Variants in DCBLD1 observed in about 807,000 individuals in gnomAD.
DCBLD1 encodes the protein discoidin, CUB and LCCL domain containing 1, also known as discoidin, CUB and LCCL domain-containing protein 1.
A neutral mutation model predicts 71.5 loss-of-function variants in DCBLD1; 57 were observed. The ratio of observed to expected loss-of-function variants is 0.80; its 90% CI spans 0.64 to 0.99. DCBLD1 has a LOEUF of 0.99. Among genes scored for constraint, DCBLD1 ranks in the 50% least tolerant of loss-of-function variants. DCBLD1 has a pLI of 0.00. For synonymous variants in DCBLD1, 380 were observed against 363.8 expected, an observed-to-expected ratio of 1.04 and a Z score of -0.51; for missense variants, 891 against 923.5, an observed-to-expected ratio of 0.96 and a Z score of 0.46.
chr6:117,559,736 C>A (rs1395969716), intron 14 of DCBLD1, among the ~76,000 whole-genome samples: 2 of 151,932 alleles, frequency 1.3e-5, no homozygotes, highest in South Asian at 4.2e-4. Flanking sequence ...TATAAAACCA[C>A]CTAAAATAAA....
intron 2 of DCBLD1, among the ~76,000 whole-genome samples, chr6:117,508,327 C>T (rs1777905862): frequency 6.6e-6 from 1 of 152,042 alleles, no homozygotes; most frequent in Non-Finnish European, 1.5e-5. Flanking sequence ...TCTCAGTTCC[C>T]CCCTCCCTCA....
intron 4 of DCBLD1, among the ~76,000 whole-genome samples, chr6:117,524,904 G>A (rs750895930): frequency 6.6e-6 from 1 of 152,138 alleles, no homozygotes; most frequent in African/African-American, 2.4e-5. Context: ...ATTACAGTAT[G>A]TATAACACGG....
chr6:117,532,736 A>G (rs191810028), intron 6 of DCBLD1, among the ~76,000 whole-genome samples: 187 of 152,322 alleles, frequency 1.2e-3, no homozygotes, highest in African/African-American at 4.2e-3. Context: ...GTTGTCTCCA[A>G]TGTTATCATC....
At position 117,548,215 on chromosome 6, in the gene DCBLD1, G is replaced by A. The variant is rs1021792486; in HGVS notation, c.1924G>A (p.Val642Ile). 7.7e-6 allele frequency: 12 copies of A among 1,550,412 alleles called. No homozygotes were observed. The African/African-American group carries it at 9.6e-5, about 12-fold the overall frequency. ...CCTCTCCTCGGGCGGCTTCTCCCCC[G>A]TAGCGGGTGTGGGCGCCCAGGACGG... ...HSLSSGGFSP[V>I]AGVGAQDGDY... The change falls in exon 15 of 15, where the codon GTA becomes ATA. Residue 642 changes from valine (V) to isoleucine (I), a missense_variant. Transcript: ENST00000338728.
chr6:117,503,229 A>G (rs1777722847), intron 1 of DCBLD1, among the ~76,000 whole-genome samples: 1 of 152,210 alleles, frequency 6.6e-6, no homozygotes, highest in South Asian at 2.1e-4. Flanking sequence ...TGTGAGTGTC[A>G]TTAACTAAGA....
At chr6:117,497,959 C>G (rs889631531) in intron 1 of DCBLD1, among the ~76,000 whole-genome samples, 2 of 152,120 alleles carry the variant, frequency 1.3e-5, no homozygotes, top group Non-Finnish European at 2.9e-5. Flanking sequence ...TATTACACAT[C>G]TATGTGTGTA....
At chr6:117,544,713 A>G in intron 13 of DCBLD1, 136 bp downstream of exon 13, 1 of 803,582 alleles carries the variant, frequency 1.2e-6, no homozygotes, top group Non-Finnish European at 1.9e-6. Context: ...TTAAAGTAGC[A>G]TATCTATAAG....
At position 117,547,966 on chromosome 6, in the gene DCBLD1, C is replaced by T; in HGVS notation, c.1675C>T (p.Arg559Trp). 6.4e-7 allele frequency: 1 copy of T among 1,550,618 alleles called. No individual in the cohort carries two copies. The highest frequency in any genetic ancestry group is 1.2e-5 in the South Asian group (1 of 84,066). Residue 559 changes from arginine to tryptophan, a missense_variant, in exon 15 of 15, where the codon CGG becomes TGG. By Grantham distance (101) the Arg-to-Trp change is moderately radical. Transcript: ENST00000338728. Reference protein sequence around the residue: ...GTVTRKGSTFRPMDTDAEEAG... With the variant: ...GTVTRKGSTFWPMDTDAEEAG... ...AGTCACGAGGAAGGGCTCCACCTTCCGGCCCATGGACACGGATGCCGAGGA... is the reference window on the plus strand; with the variant it reads ...AGTCACGAGGAAGGGCTCCACCTTCTGGCCCATGGACACGGATGCCGAGGA...
chr6:117,522,194 A>C (rs1410877488), intron 4 of DCBLD1, among the ~76,000 whole-genome samples: 1 of 152,188 alleles, frequency 6.6e-6, no homozygotes, highest in African/African-American at 2.4e-5. Flanking sequence ...AAACAGTCTA[A>C]AGCAGAATTT....
exon 15 of DCBLD1, chr6:117,569,821 A>G: frequency 7.2e-7 from 1 of 1,381,458 alleles, no homozygotes; most frequent in Non-Finnish European, 9.5e-7. Flanking sequence ...ATTTTCTTAA[A>G]AATATATTTC....
intron 4 of DCBLD1, among the ~76,000 whole-genome samples, chr6:117,523,507 G>GT (rs1259136129): frequency 6.6e-6 from 1 of 152,100 alleles, no homozygotes; most frequent in Non-Finnish European, 1.5e-5. Context: ...CCCCACCAGC[G>GT]TATTACATCA....
At chr6:117,499,229 C>T (rs576180672) in intron 1 of DCBLD1, among the ~76,000 whole-genome samples, 35 of 121,614 alleles carry the variant, frequency 2.9e-4, no homozygotes, top group African/African-American at 1.3e-3. Flanking sequence ...TAGTGTGGCC[C>T]CCATCTCTAC....
chr6:117,549,983 C>T (rs1275990321), downstream of DCBLD1, among the ~76,000 whole-genome samples: 1 of 152,190 alleles, frequency 6.6e-6, no homozygotes, highest in East Asian at 1.9e-4. Context: ...TCGGTTTCCT[C>T]ATGTTTGAAA....
At chr6:117,491,397 C>T (rs1382239187) in intron 1 of DCBLD1, among the ~76,000 whole-genome samples, 2 of 152,136 alleles carry the variant, frequency 1.3e-5, no homozygotes, top group Non-Finnish European at 2.9e-5. Context: ...TAGGAGATGG[C>T]CTATTGCAGA....
In DCBLD1 at chr6:117,548,860, A is replaced by C. The variant is rs888140451; in HGVS notation, c.*421A>C. The C allele has an allele frequency of 1.9e-6, 2 of 1,025,772 alleles. No individual in the cohort carries two copies. The highest frequency in any genetic ancestry group is 5.0e-5 in the Admixed American group (1 of 19,868). The allele number at this position is 1,025,772 out of a possible 1,614,324, so 63.5% of individuals were successfully genotyped here. ...CAGCTGTTGCAAAATGTATATAAAT[A>C]GTATGTTCATTTTTTTCAGTATATT... On this transcript the variant is annotated 3_prime_UTR_variant, in exon 15 of 15. Transcript: ENST00000338728.
intron 14 of DCBLD1, among the ~76,000 whole-genome samples, chr6:117,569,085 C>T (rs1472341570): frequency 6.6e-6 from 1 of 152,180 alleles, no homozygotes; most frequent in Non-Finnish European, 1.5e-5. Flanking sequence ...ATCCTTTCAT[C>T]GCTAAGAACT....
intron 5 of DCBLD1, among the ~76,000 whole-genome samples, chr6:117,527,399 G>A (rs1778579694): frequency 6.6e-6 from 1 of 152,162 alleles, no homozygotes; most frequent in Non-Finnish European, 1.5e-5. Context: ...AGTCTTTTCA[G>A]AAGAATCTTT....
chr6:117,502,003 G>A (rs1183996289), intron 1 of DCBLD1, among the ~76,000 whole-genome samples: 1 of 152,074 alleles, frequency 6.6e-6, no homozygotes, highest in Non-Finnish European at 1.5e-5. Context: ...ACCTGAGTCT[G>A]TTGATTTTGT....
chr6:117,539,229 G>C, intron 8 of DCBLD1, 26 bp from the exon 9 acceptor site: 4 of 1,501,546 alleles, frequency 2.7e-6, no homozygotes, highest in Non-Finnish European at 2.7e-6. Flanking sequence ...TTTAAAAATA[G>C]CCTGTAAATA....
Sources: gnomAD v4.1 joint callset for allele counts (sites outside exome capture counted in the v4.1 genomes callset) on GRCh38, gnomAD v4.1.1 for gene constraint, MANE v1.5 for transcripts, NCBI Gene and HGNC (gene_info 2026-07-23, HGNC 2026-07-21) for gene names.